CSMD1: variants seen among roughly 807,000 people sequenced by gnomAD.
The protein encoded by CSMD1 is CUB and Sushi multiple domains 1.
In CSMD1, 213 loss-of-function variants were observed where a neutral mutation model predicts 417.5. That is an observed-to-expected ratio of 0.51 (90% confidence interval 0.46 to 0.57). The LOEUF is 0.57. Among genes scored for constraint, CSMD1 ranks in the 20% least tolerant of loss-of-function variants. The probability of loss-of-function intolerance (pLI) is 0.00; values close to 1 mark genes in which losing one functional copy is unlikely to be tolerated. For synonymous variants in CSMD1, 2,862 were observed against 1,736.8 expected, an observed-to-expected ratio of 1.65 and a Z score of -16.11; for missense variants, 6,923 against 4,529.7, an observed-to-expected ratio of 1.53 and a Z score of -15.17.
chr8:3,297,907 A>C (rs952659159), intron 25 of CSMD1, among the ~76,000 whole-genome samples: 1 of 152,180 alleles, frequency 6.6e-6, no homozygotes, highest in Non-Finnish European at 1.5e-5. Flanking sequence ...TATCAAAAGA[A>C]ATCATTTCAG....
At chr8:2,951,316 CA>C in intron 65 of CSMD1, 41 bp from the exon 66 acceptor site, 1 of 1,555,604 alleles carries the variant, frequency 6.4e-7, no homozygotes, top group Admixed American at 1.9e-5. Flanking sequence ...AGCACACACA[CA>C]AACAATAAAT....
chr8:4,791,264 A>G (rs756199657), intron 1 of CSMD1, among the ~76,000 whole-genome samples: 6 of 152,190 alleles, frequency 3.9e-5, no homozygotes, highest in Non-Finnish European at 2.9e-5. Context: ...TTTGCCTGTC[A>G]TGGACACAGA....
At chr8:4,323,098 T>C (rs943249104) in intron 3 of CSMD1, among the ~76,000 whole-genome samples, 3 of 152,206 alleles carry the variant, frequency 2.0e-5, no homozygotes, top group African/African-American at 4.8e-5. Flanking sequence ...GGAAAAATCA[T>C]ATGATTTTAA....
chr8:3,402,442 T>G (rs1206839563), intron 15 of CSMD1, among the ~76,000 whole-genome samples: 1 of 152,166 alleles, frequency 6.6e-6, no homozygotes, highest in Non-Finnish European at 1.5e-5. Flanking sequence ...GAGATTTTCA[T>G]GATGCCACTG....
chr8:3,228,426 T>C (rs185421411), intron 27 of CSMD1, among the ~76,000 whole-genome samples: 3 of 152,330 alleles, frequency 2.0e-5, no homozygotes, highest in Admixed American at 6.5e-5. Flanking sequence ...TTTTCCATTT[T>C]TCTGTTACAT....
intron 3 of CSMD1, among the ~76,000 whole-genome samples, chr8:4,418,546 TG>T (rs1797075054): frequency 6.6e-6 from 1 of 152,190 alleles, no homozygotes; most frequent in Non-Finnish European, 1.5e-5. Flanking sequence ...TTTTCTAAAA[TG>T]TGGAAGCATT....
chr8:3,508,517 GAAAA>G (rs1161730695), intron 10 of CSMD1, among the ~76,000 whole-genome samples: 42 of 149,448 alleles, frequency 2.8e-4, no homozygotes, highest in Non-Finnish European at 6.1e-4. Context: ...AAAAAAAAAA[GAAAA>G]AATAGAATAT....
At chr8:4,904,943 G>A (rs1167732429) in intron 1 of CSMD1, among the ~76,000 whole-genome samples, 2 of 152,072 alleles carry the variant, frequency 1.3e-5, no homozygotes, top group East Asian at 3.9e-4. Context: ...GGCCTCTTTG[G>A]GACAAGGGAC....
At chr8:3,154,593 A>G (rs987243370) in intron 39 of CSMD1, among the ~76,000 whole-genome samples, 9 of 152,326 alleles carry the variant, frequency 5.9e-5, no homozygotes, top group African/African-American at 1.9e-4. Context: ...CAGACACACC[A>G]TGCTGAAGAG....
chr8:3,363,348 T>G (rs1389943853), intron 20 of CSMD1, among the ~76,000 whole-genome samples: 1 of 152,156 alleles, frequency 6.6e-6, no homozygotes, highest in Non-Finnish European at 1.5e-5. Context: ...AAAGTCATTA[T>G]GGGAAAGGAA....
intron 1 of CSMD1, among the ~76,000 whole-genome samples, chr8:4,665,792 T>C (rs1243646025): frequency 3.3e-5 from 5 of 152,218 alleles, no homozygotes; most frequent in African/African-American, 9.7e-5. Flanking sequence ...TTCCATTTAT[T>C]AGCAAATATA....
At chr8:4,329,682 G>A (rs1460902024) in intron 3 of CSMD1, among the ~76,000 whole-genome samples, 2 of 152,116 alleles carry the variant, frequency 1.3e-5, no homozygotes, top group Non-Finnish European at 2.9e-5. Flanking sequence ...ATCTCATGTT[G>A]AGATGTGATA....
chr8:4,455,451 C>T (rs1799408926), intron 2 of CSMD1, among the ~76,000 whole-genome samples: 1 of 152,092 alleles, frequency 6.6e-6, no homozygotes, highest in African/African-American at 2.4e-5. Context: ...GATACAAGCA[C>T]ACAGCCACCT....
intron 1 of CSMD1, among the ~76,000 whole-genome samples, chr8:4,751,905 T>C (rs1319436486): frequency 6.6e-6 from 1 of 152,172 alleles, no homozygotes; most frequent in East Asian, 1.9e-4. Context: ...CTCAGTAAAG[T>C]GTTAGTTCCA....
chr8:3,316,926 C>G (rs1003672172), intron 23 of CSMD1, among the ~76,000 whole-genome samples: 10 of 152,050 alleles, frequency 6.6e-5, no homozygotes, highest in Non-Finnish European at 1.2e-4. Context: ...GGAAAATCTG[C>G]AAAAGTATTT....
At chr8:4,822,807 G>A (rs565983654) in intron 1 of CSMD1, among the ~76,000 whole-genome samples, 69 of 152,058 alleles carry the variant, frequency 4.5e-4, no homozygotes, top group Admixed American at 3.6e-3. Flanking sequence ...AATATTTCTT[G>A]GTTTGATGAA....
chr8:3,429,975 T>C (rs1814114887), intron 12 of CSMD1, among the ~76,000 whole-genome samples: 2 of 152,146 alleles, frequency 1.3e-5, no homozygotes, highest in Admixed American at 6.6e-5. Flanking sequence ...TCTGTATGTA[T>C]GTATGTATGT....
intron 5 of CSMD1, among the ~76,000 whole-genome samples, chr8:3,980,762 G>C (rs950464327): frequency 1.3e-5 from 2 of 152,144 alleles, no homozygotes; most frequent in Non-Finnish European, 1.5e-5. Context: ...TTTCATTTCT[G>C]CTGCAGGCGA....
At chr8:3,682,224 C>T (rs1452256271) in intron 7 of CSMD1, among the ~76,000 whole-genome samples, 1 of 152,134 alleles carries the variant, frequency 6.6e-6, no homozygotes, top group South Asian at 2.1e-4. Context: ...TTCTGCACAG[C>T]ACAAGAAACT....
Sources: gnomAD v4.1 joint callset for allele counts (sites outside exome capture counted in the v4.1 genomes callset) on GRCh38, gnomAD v4.1.1 for gene constraint, MANE v1.5 for transcripts, NCBI Gene and HGNC (gene_info 2026-07-23, HGNC 2026-07-21) for gene names.